The following RNF17 variants were observed in gnomAD, a reference collection of about 807,000 sequenced individuals.
RNF17 encodes the protein ring finger protein 17.
A neutral mutation model predicts 200.5 loss-of-function variants in RNF17; 31 were observed. The ratio of observed to expected loss-of-function variants is 0.15; its 90% CI spans 0.12 to 0.21. The LOEUF is 0.21. Among genes scored for constraint, RNF17 ranks in the 10% least tolerant of loss-of-function variants. The pLI is 1.00. For missense variants in RNF17, 1,628 were observed against 1,905.1 expected, an observed-to-expected ratio of 0.85 and a Z score of 2.71; for synonymous variants, 606 against 637.8, an observed-to-expected ratio of 0.95 and a Z score of 0.75.
chr13:24,806,002 A>T (rs1057019566), intron 15 of RNF17, among the ~76,000 whole-genome samples: 3 of 151,924 alleles, frequency 2.0e-5, no homozygotes, highest in Admixed American at 1.3e-4. Flanking sequence ...CCCATCATCT[A>T]CATTAGGTAT....
chr13:24,799,176 A>T (rs1884957170), intron 11 of RNF17, among the ~76,000 whole-genome samples: 1 of 152,128 alleles, frequency 6.6e-6, no homozygotes, highest in Non-Finnish European at 1.5e-5. Context: ...CTAACTTAGT[A>T]TTCTTTAGGT....
At chr13:24,858,575 G>GATATATATAT (rs397770900) in intron 25 of RNF17, among the ~76,000 whole-genome samples, 17,877 of 142,958 alleles carry the variant, frequency 0.13, 1,197 homozygotes, top group Non-Finnish European at 0.16. Flanking sequence ...ATCAGTTATG[G>GATATATATAT]ATATATATAT....
intron 27 of RNF17, among the ~76,000 whole-genome samples, chr13:24,861,620 G>A (rs770415110): frequency 6.6e-6 from 1 of 152,148 alleles, no homozygotes; most frequent in Non-Finnish European, 1.5e-5. Context: ...TAAGTAGGAA[G>A]GTATAAGATT....
intron 16 of RNF17, among the ~76,000 whole-genome samples, chr13:24,827,942 T>A (rs1888929534): frequency 6.6e-6 from 1 of 151,948 alleles, no homozygotes. Context: ...TAATCACATT[T>A]ATGAGGGCAG....
At chr13:24,795,290 C>T (rs1219631297) in intron 10 of RNF17, among the ~76,000 whole-genome samples, 1 of 151,932 alleles carries the variant, frequency 6.6e-6, no homozygotes, top group East Asian at 1.9e-4. Flanking sequence ...AACTTCCCCC[C>T]ATCCTATTCC....
At chr13:24,831,716 C>T (rs1029123917) in intron 17 of RNF17, 142 bp from the exon 18 acceptor site, 2 of 720,618 alleles carry the variant, frequency 2.8e-6, no homozygotes, top group African/African-American at 3.6e-5. Flanking sequence ...TTTACAGACA[C>T]CTTCACACAT....
intron 6 of RNF17, among the ~76,000 whole-genome samples, chr13:24,784,817 C>G (rs1882882952): frequency 6.6e-6 from 1 of 152,114 alleles, no homozygotes; most frequent in Non-Finnish European, 1.5e-5. Context: ...AGTGATTCTC[C>G]TGCCTCAGCC....
chr13:24,836,827 A>G (rs980532552), intron 18 of RNF17, among the ~76,000 whole-genome samples: 2 of 129,432 alleles, frequency 1.5e-5, no homozygotes, highest in East Asian at 4.5e-4. Context: ...ACAAAACCAA[A>G]GTGCACAGGC....
rs370875637 is a variant in RNF17 at position 24,778,426 on chromosome 13, T to G, written c.429+20T>G. The stretch of plus-strand genomic sequence containing the variant: ...ATGTTGGTATGAAACATATTGGTCA[T>G]GAAGTACGATGAAGGCAAACGTTTG... On this transcript the variant is annotated intron_variant, in intron 4 of 35. Coordinates refer to ENST00000255324, the MANE Select transcript of RNF17 (RefSeq NM_031277.3). 1.4e-6 allele frequency: 2 copies of G among 1,434,326 alleles called. No homozygotes were observed. 88.8% of individuals were successfully genotyped at this position (1,434,326 alleles called of 1,614,324 possible).
intron 2 of RNF17, among the ~76,000 whole-genome samples, chr13:24,774,541 C>G (rs1881278183): frequency 6.6e-6 from 1 of 152,148 alleles, no homozygotes; most frequent in Non-Finnish European, 1.5e-5. Flanking sequence ...GAAAGTATTG[C>G]TAGTATTTCC....
chr13:24,837,872 CA>C (rs1464771170), intron 18 of RNF17, among the ~76,000 whole-genome samples: 2 of 151,922 alleles, frequency 1.3e-5, no homozygotes, highest in African/African-American at 2.4e-5. Context: ...ACAAAAAATA[CA>C]AAAGATAAAT....
chr13:24,772,990 A>C (rs1881007010), intron 2 of RNF17, among the ~76,000 whole-genome samples: 1 of 152,182 alleles, frequency 6.6e-6, no homozygotes. Flanking sequence ...AGAGAAATGC[A>C]AATCAAAACC....
intron 32 of RNF17, among the ~76,000 whole-genome samples, chr13:24,872,536 CTT>C (rs146813458): frequency 3.3e-5 from 5 of 151,164 alleles, no homozygotes; most frequent in Admixed American, 3.3e-4. Flanking sequence ...CATTGGTACA[CTT>C]TTTTTTTACT....
chr13:24,848,238 G>A (rs1338824304), intron 22 of RNF17, among the ~76,000 whole-genome samples: 1 of 151,946 alleles, frequency 6.6e-6, no homozygotes, highest in Non-Finnish European at 1.5e-5. Flanking sequence ...CCCAGAACCG[G>A]GACTCTAACC....
chr13:24,804,483 C>T, intron 15 of RNF17, 54 bp downstream of exon 15: 1 of 1,355,222 alleles, frequency 7.4e-7, no homozygotes, highest in East Asian at 2.5e-5. Context: ...TTTAATTAGA[C>T]ATGTATAACA....
At chr13:24,795,805 A>G (rs915976261) in intron 10 of RNF17, among the ~76,000 whole-genome samples, 1 of 152,206 alleles carries the variant, frequency 6.6e-6, no homozygotes, top group African/African-American at 2.4e-5. Context: ...TTCATAAAGA[A>G]ACTGAACTTT....
intron 22 of RNF17, among the ~76,000 whole-genome samples, chr13:24,845,757 A>G (rs1307986759): frequency 1.3e-5 from 2 of 152,230 alleles, no homozygotes; most frequent in Admixed American, 1.3e-4. Context: ...AATGCAAGAA[A>G]GAGATCTGTA....
intron 17 of RNF17, 91 bp from the exon 18 acceptor site, chr13:24,831,767 G>T (rs904674763): frequency 9.1e-7 from 1 of 1,100,686 alleles, no homozygotes; most frequent in Non-Finnish European, 1.3e-6. Flanking sequence ...CAAACATAAA[G>T]ATTAGTTTTG....
chr13:24,792,836 A>T (rs2137653138), intron 9 of RNF17, among the ~76,000 whole-genome samples: 1 of 152,314 alleles, frequency 6.6e-6, no homozygotes, highest in Non-Finnish European at 1.5e-5. Context: ...TGTAGATTTG[A>T]TAGCCTAAAA....
Sources: allele counts gnomAD v4.1 joint callset (sites outside exome capture counted in the v4.1 genomes callset), GRCh38; gene constraint gnomAD v4.1.1; transcripts MANE v1.5; gene names NCBI Gene and HGNC (gene_info 2026-07-23, HGNC 2026-07-21).